Variants in FIGNL1 observed in about 807,000 individuals in gnomAD.
FIGNL1 encodes fidgetin-like protein 1.
A neutral mutation model predicts 28.9 loss-of-function variants in FIGNL1; 11 were observed. That is an observed-to-expected ratio of 0.38 (90% CI 0.24 to 0.63). The LOEUF is 0.63. Ranked by LOEUF, FIGNL1 falls within the 20% of genes least tolerant of loss-of-function variation. FIGNL1 has a pLI of 0.57. For synonymous variants in FIGNL1, 295 were observed against 276.5 expected (o/e 1.07, Z -0.66); for missense variants, 789 against 810.4 (o/e 0.97, Z 0.32).
chr7:50,449,759 A>T (rs917812912), intron 1 of FIGNL1, 36 bp from the exon 2 acceptor site: 3 of 152,262 alleles, frequency 2.0e-5, no homozygotes, highest in African/African-American at 7.2e-5. Context: ...CTGAGCTGAC[A>T]AGGTATTTTA....
In FIGNL1 at chr7:50,444,656, C is replaced by G. The variant is rs1041257061; in HGVS notation, c.*607G>C. On this transcript the variant is annotated 3_prime_UTR_variant, in exon 4 of 4. Transcript: ENST00000433017. ...ATTAATGTTAAATATCACACGCTCC[C>G]GTGAAAATAACCAACATTCTTAATT... 1 of 152,102 alleles carries G rather than the reference C, an allele frequency of 6.6e-6. No homozygotes were observed. Among genetic ancestry groups the G allele is most frequent in the Non-Finnish European group, 1.5e-5 (1 of 68,020 alleles). The allele number at this position is 152,102 out of a possible 1,614,324, so 9.4% of individuals were successfully genotyped here. A position where few individuals can be genotyped will look rare whatever the true frequency, so the allele number is the denominator to read the frequency against.
rs142867266 is a variant in FIGNL1, at chr7:50,445,702, T to C, written c.1586A>G (p.Asp529Gly). Residue 529 changes from aspartate (D) to glycine (G), a missense_variant, in exon 4 of 4, where the codon GAT (aspartate) becomes GGT (glycine). Physicochemically the swap from Asp to Gly is moderately conservative, Grantham distance 94. Transcript: ENST00000433017. ...RIKTEFLVQL[D>G]GATTSSEDRI... ...ATCTTCAGAAGATGTTGTTGCTCCA[T>C]CTAATTGAACTAAAAATTCTGTTTT... is the stretch of plus-strand genomic sequence containing the variant. 4 of 1,614,190 alleles carry C rather than the reference T, an allele frequency of 2.5e-6. No individual in the cohort carries two copies. The highest frequency in any genetic ancestry group is 2.2e-5 in the South Asian group (2 of 91,082).
Position 50,446,182 on chromosome 7 carries a change from G to A in FIGNL1, c.1106C>T (p.Ala369Val). The change falls in exon 4 of 4, where the codon GCA becomes GTA. Residue 369 changes from alanine to valine, a missense_variant. Physicochemically the swap from Ala to Val is moderately conservative, Grantham distance 64. Coordinates refer to ENST00000433017, the MANE Select transcript of FIGNL1 (RefSeq NM_001287492.4). ...KPYGAGPTEP[A>V]HPVDERLKNL... ...CTTCAGACGCTCATCAACTGGATGT[G>A]CTGGTTCTGTAGGTCCTGCCCCATA... 1 of 1,614,180 alleles carries A rather than the reference G, an allele frequency of 6.2e-7. No individual in the cohort carries two copies. The highest frequency in any genetic ancestry group is 8.5e-7 in the Non-Finnish European group (1 of 1,180,030).
intron 1 of FIGNL1, 31 bp from the exon 2 acceptor site, chr7:50,449,754 C>CA (rs1433464404): frequency 6.6e-6 from 1 of 152,272 alleles, no homozygotes; most frequent in East Asian, 1.9e-4. Flanking sequence ...CATCACTGAG[C>CA]TGACAAGGTA....
At chr7:50,448,312 T>C (rs1448625547) in intron 2 of FIGNL1, 23 bp from the exon 3 acceptor site, 2 of 152,190 alleles carry the variant, frequency 1.3e-5, no homozygotes, top group Admixed American at 6.5e-5. Flanking sequence ...TTGAACAGCA[T>C]GGATCACAAA....
In FIGNL1 at chr7:50,445,652, T is replaced by C. The variant is rs775032569; in HGVS notation, c.1636A>G (p.Asn546Asp). 1 of 1,614,102 alleles carries C rather than the reference T, an allele frequency of 6.2e-7. No homozygotes were observed. Among genetic ancestry groups the C allele is most frequent in the African/African-American group, 1.3e-5 (1 of 75,052 alleles). ...EDRILVVGAT[N>D]RPQEIDEAAR... ...GCCTCATCAATTTCTTGTGGCCGAT[T>C]TGTTGCTCCCACCACTAGGATACGA... Residue 546 changes from asparagine (N) to aspartate (D), a missense_variant, in exon 4 of 4, where the codon AAT becomes GAT. Coordinates refer to ENST00000433017, the MANE Select transcript of FIGNL1 (RefSeq NM_001287492.4).
In FIGNL1 at chr7:50,445,563, C is replaced by T. The variant is rs1820542936; in HGVS notation, c.1725G>A (p.Gln575=). ...IPLPEASARK[Q]IVINLMSKEQ... ...CTTTGGACATTAGATTAATTACTAT[C>T]TGTTTCCTGGCTGAAGCTTCTGGGA... is the stretch of plus-strand genomic sequence containing the variant. Residue 575 remains glutamine (Q), a synonymous_variant, in exon 4 of 4, where the codon CAG becomes CAA. Coordinates refer to ENST00000433017, the MANE Select transcript of FIGNL1 (RefSeq NM_001287492.4). The T allele has an allele frequency of 6.2e-7, 1 of 1,614,224 alleles. No homozygotes were observed. The highest frequency in any genetic ancestry group is 1.7e-5 in the Admixed American group (1 of 60,024).
chr7:50,446,920 T>C lies in FIGNL1; in HGVS notation c.368A>G (p.Lys123Arg), dbSNP rs1236842666. ...TTCCAACAGAGAGTCTTTGAATTTT[T>C]TGCCAGCTTGCATCATCTTCTGTAC... is the stretch of plus-strand genomic sequence containing the variant. ...SSVQKMMQAGKKFKDSLLEPA... is the reference protein window; with the variant it reads ...SSVQKMMQAGRKFKDSLLEPA... Residue 123 changes from lysine (K) to arginine (R), a missense_variant, in exon 4 of 4, where the codon AAA becomes AGA. Transcript: ENST00000433017. The C allele has an allele frequency of 6.2e-7, 1 of 1,614,098 alleles. No individual in the cohort carries two copies. The highest frequency in any genetic ancestry group is 8.5e-7 in the Non-Finnish European group (1 of 1,180,054).
In FIGNL1 at chr7:50,447,312, A is replaced by G; in HGVS notation, c.-10-15T>C. The G allele has an allele frequency of 6.7e-7, 1 of 1,495,672 alleles. No homozygotes were observed. The highest frequency in any genetic ancestry group is 9.0e-7 in the Non-Finnish European group (1 of 1,114,844). The allele number at this position is 1,495,672 out of a possible 1,614,324, so 92.7% of individuals were successfully genotyped here. Reference sequence around the variant, plus strand: ...TTTTAGAGGTTCTATAACAAACAATAAAAATGAAAATCAGTATGAAGGAAA... The same window carrying G: ...TTTTAGAGGTTCTATAACAAACAATGAAAATGAAAATCAGTATGAAGGAAA... On this transcript the variant is annotated splice_polypyrimidine_tract_variant and intron_variant, in intron 3 of 3. Transcript: ENST00000433017.
At position 50,446,984 on chromosome 7, in the gene FIGNL1, A is replaced by G. The variant is rs775677529; in HGVS notation, c.304T>C (p.Ser102Pro). The part of the protein sequence containing the change: ...SQQTDSDKWQ[S>P]GLSINNVFKM... ...AAAACATTATTTATTGACAATCCAG[A>G]CTGCCACTTGTCACTATCTGTTTGT... The change falls in exon 4 of 4, where the codon TCT becomes CCT. Residue 102 changes from serine (S) to proline (P), a missense_variant. Coordinates refer to ENST00000433017, the MANE Select transcript of FIGNL1 (RefSeq NM_001287492.4). 17 of 1,614,232 alleles carry G rather than the reference A, an allele frequency of 1.1e-5. No individual in the cohort carries two copies. The Admixed American group carries it at 1.8e-4, about 17-fold the overall frequency.
chr7:50,448,355 A>C (rs1313486464), intron 2 of FIGNL1, 66 bp from the exon 3 acceptor site: 4 of 152,374 alleles, frequency 2.6e-5, no homozygotes, highest in Non-Finnish European at 4.4e-5. Flanking sequence ...TGGTTTTAAT[A>C]ACATTCATGA....
At position 50,445,386 on chromosome 7, in the gene FIGNL1, A is replaced by T; in HGVS notation, c.1902T>A (p.Asp634Glu). The part of the protein sequence containing the change: ...QTADIATITP[D>E]QVRPIAYIDF... Reference sequence around the variant, plus strand: ...CAATGTAAGCTATGGGTCGAACTTGATCCGGTGTTATGGTAGCAATGTCAG... The same window carrying T: ...CAATGTAAGCTATGGGTCGAACTTGTTCCGGTGTTATGGTAGCAATGTCAG... Residue 634 changes from aspartate (D) to glutamate (E), a missense_variant, in exon 4 of 4, where the codon GAT becomes GAA. By Grantham distance (45) the Asp-to-Glu change is conservative. Transcript: ENST00000433017. The T allele has an allele frequency of 6.2e-7, 1 of 1,614,208 alleles. No individual in the cohort carries two copies. The highest frequency in any genetic ancestry group is 8.5e-7 in the Non-Finnish European group (1 of 1,180,024).
chr7:50,448,524 A>G (rs1183003168), intron 2 of FIGNL1: 1 of 152,250 alleles, frequency 6.6e-6, no homozygotes, highest in African/African-American at 2.4e-5. Context: ...AGTTATTCGC[A>G]TAAGCTTCCT....
chr7:50,445,189 C>A lies in FIGNL1; in HGVS notation c.*74G>T. The A allele has an allele frequency of 2.3e-6, 2 of 881,958 alleles. No individual in the cohort carries two copies. The highest frequency in any genetic ancestry group is 3.3e-6 in the Non-Finnish European group (2 of 598,734). 54.6% of individuals were successfully genotyped at this position (881,958 alleles called of 1,614,324 possible). A position where few individuals can be genotyped will look rare whatever the true frequency, so the allele number is the denominator to read the frequency against. On this transcript the variant is annotated 3_prime_UTR_variant, in exon 4 of 4. Coordinates refer to ENST00000433017, the MANE Select transcript of FIGNL1 (RefSeq NM_001287492.4). ...AATATATTCTTAAAAATACAATTAA[C>A]ACATCCCCAACTTTCTATGCTAAAA...
rs143806821 is a variant in FIGNL1, at chr7:50,446,995, T to C, written c.293A>G (p.Asp98Gly). Residue 98 changes from aspartate to glycine, a missense_variant, in exon 4 of 4, where the codon GAC becomes GGC. Coordinates refer to ENST00000433017, the MANE Select transcript of FIGNL1 (RefSeq NM_001287492.4). ...TLAGSQQTDSDKWQSGLSINN... is the reference protein window; with the variant it reads ...TLAGSQQTDSGKWQSGLSINN... ...TATTGACAATCCAGACTGCCACTTG[T>C]CACTATCTGTTTGTTGAGATCCTGC... 599 of 1,614,262 alleles carry C rather than the reference T, an allele frequency of 3.7e-4. 8 individuals are homozygous for C. In the South Asian group the frequency reaches 5.8e-3, roughly 16 times the overall value.
At position 50,445,836 on chromosome 7, in the gene FIGNL1, T is replaced by C. The variant is rs1820642550; in HGVS notation, c.1452A>G (p.Ala484=). The C allele has an allele frequency of 3.1e-6, 5 of 1,614,202 alleles. No homozygotes were observed. Among genetic ancestry groups the C allele is most frequent in the Non-Finnish European group, 4.2e-6 (5 of 1,180,030 alleles). The part of the protein sequence containing the change: ...WVGEGEKMVR[A]LFAVARCQQP... ...GCTGACACCTTGCAACAGCAAACAA[T>C]GCACGGACCATTTTCTCCCCCTCAC... is the stretch of plus-strand genomic sequence containing the variant. The change falls in exon 4 of 4, where the codon GCA becomes GCG. Residue 484 remains alanine (A), a synonymous_variant. Transcript: ENST00000433017.
Position 50,446,238 on chromosome 7 carries a change from TC to T in FIGNL1, c.1049del (p.Gly350GlufsTer27). 6.2e-7 allele frequency: 1 copy of T among 1,614,128 alleles called. No homozygotes were observed. Among genetic ancestry groups the T allele is most frequent in the Non-Finnish European group, 8.5e-7 (1 of 1,180,018 alleles). ...TACATTGCATTCCTCCATTCTGCTC[TC>T]CCCCATCTTGCTTGGGTATAGGAGG... ...FVPPIPKQDG[G>X]EQNGGMQCKP... On this transcript the variant is annotated frameshift_variant, in exon 4 of 4. Transcript: ENST00000433017. LOFTEE classifies it high-confidence loss of function.
rs1253554082 is a variant in FIGNL1 at position 50,446,769 on chromosome 7, G to A, written c.519C>T (p.Thr173=). 3 of 1,614,100 alleles carry A rather than the reference G, an allele frequency of 1.9e-6. No individual in the cohort carries two copies. Among genetic ancestry groups the A allele is most frequent in the Non-Finnish European group, 2.5e-6 (3 of 1,180,034 alleles). Residue 173 remains threonine, a synonymous_variant, in exon 4 of 4, where the codon ACC becomes ACT. Transcript: ENST00000433017. ...AACGATTGCTCTCCGGGAAGTCTTG[G>A]GTCCGGTCTCGATCATGAGCTGAGT... ...LPNSAHDRDR[T]QDFPESNRLK... is the part of the protein sequence containing the mutation.
In FIGNL1 at chr7:50,446,842, G is replaced by A. The variant is rs1251333008; in HGVS notation, c.446C>T (p.Pro149Leu). 1.2e-6 allele frequency: 2 copies of A among 1,614,110 alleles called. No homozygotes were observed. Among genetic ancestry groups the A allele is most frequent in the Admixed American group, 1.7e-5 (1 of 60,024 alleles). The change falls in exon 4 of 4, where the codon CCT (proline) becomes CTT (leucine). Residue 149 changes from proline to leucine, a missense_variant. Physicochemically the swap from Pro to Leu is moderately conservative, Grantham distance 98. Transcript: ENST00000433017. The part of the protein sequence containing the change: ...IHKEATVFDL[P>L]KFSVCGSSQE... Reference sequence around the variant, plus strand: ...AGAACTACCACAAACACTAAATTTAGGAAGATCAAAGACAGTGGCCTCCTT... The same window carrying A: ...AGAACTACCACAAACACTAAATTTAAGAAGATCAAAGACAGTGGCCTCCTT...
Sources: gnomAD v4.1 joint callset for allele counts on GRCh38, gnomAD v4.1.1 for gene constraint, MANE v1.5 for transcripts, NCBI Gene and HGNC (gene_info 2026-07-23, HGNC 2026-07-21) for gene names.